MUC13: variants seen among roughly 807,000 people sequenced by gnomAD.
The protein encoded by MUC13 is mucin-13.
In MUC13, 32 loss-of-function variants were observed where a neutral mutation model predicts 48.3. That is an observed-to-expected ratio of 0.66 (90% CI 0.50 to 0.89). MUC13 has a LOEUF of 0.89. Among genes scored for constraint, MUC13 ranks in the 40% least tolerant of loss-of-function variants. The pLI, the probability that MUC13 is intolerant of heterozygous loss-of-function variation, is 0.00. For synonymous variants in MUC13, 199 were observed against 224.9 expected, an observed-to-expected ratio of 0.88 and a Z score of 1.03; for missense variants, 571 against 622.8, an observed-to-expected ratio of 0.92 and a Z score of 0.88.
intron 3 of MUC13, 134 bp downstream of exon 3, chr3:124,923,393 G>A (rs1176550654): frequency 1.1e-6 from 1 of 886,210 alleles, no homozygotes; most frequent in Non-Finnish European, 1.7e-6. Flanking sequence ...TCTCTACTTT[G>A]CTGGCCTTTG....
chr3:124,920,499 C>T (rs550103893), intron 4 of MUC13, among the ~76,000 whole-genome samples: 2 of 152,276 alleles, frequency 1.3e-5, no homozygotes, highest in Non-Finnish European at 2.9e-5. Flanking sequence ...AGTAAGTTGT[C>T]TCTATTTTCC....
At chr3:124,911,617 G>A (rs1265397927) in intron 9 of MUC13, among the ~76,000 whole-genome samples, 1 of 152,022 alleles carries the variant, frequency 6.6e-6, no homozygotes, top group Non-Finnish European at 1.5e-5. Context: ...AATCTGGTGG[G>A]GGTGGGGCAT....
intron 1 of MUC13, among the ~76,000 whole-genome samples, chr3:124,931,826 T>C (rs7649493): frequency 0.85 from 129,283 of 151,492 alleles, 55,545 homozygotes; most frequent in Middle Eastern, 0.93. Context: ...GGGCGGATCA[T>C]GAGGTCAGGA....
chr3:124,912,154 G>T lies in MUC13; in HGVS notation c.1215-13C>A, dbSNP rs574420634. ...GCCAAATGCACACCTGAAATACAGT[G>T]AGCAATAGGAAACAGTGTTAAAGAG... is the stretch of plus-strand genomic sequence containing the variant. On this transcript the variant is annotated splice_polypyrimidine_tract_variant and intron_variant, in intron 8 of 11. Coordinates refer to ENST00000616727, the MANE Select transcript of MUC13 (RefSeq NM_033049.4). 2.6e-5 allele frequency: 42 copies of T among 1,612,088 alleles called. No individual in the cohort carries two copies. The East Asian group carries it at 8.0e-4, about 31-fold the overall frequency.
rs768934620 is a variant in MUC13, at chr3:124,927,785, G to T, written c.261C>A (p.Pro87=). ...AGGAACTATGTGTACTAATTATGGG[G>T]GGAGCAGGTGTAGGAATTGTGGAGG... ...HSSSTIPTPA[P]PIISTHSSST... is the part of the protein sequence containing the mutation. The change falls in exon 2 of 12, where the codon CCC becomes CCA. Residue 87 remains proline (P), a synonymous_variant. Transcript: ENST00000616727. The T allele has an allele frequency of 1.9e-6, 3 of 1,612,800 alleles. No individual in the cohort carries two copies. Among genetic ancestry groups the T allele is most frequent in the Non-Finnish European group, 2.5e-6 (3 of 1,179,614 alleles).
intron 5 of MUC13, among the ~76,000 whole-genome samples, chr3:124,918,078 C>A (rs957236172): frequency 4.6e-5 from 7 of 152,168 alleles, no homozygotes; most frequent in Non-Finnish European, 1.0e-4. Context: ...CAGTCAGCTT[C>A]TCCAGGCCCG....
At position 124,922,265 on chromosome 3, in the gene MUC13, C is replaced by G. The variant is rs748054441; in HGVS notation, c.676G>C (p.Glu226Gln). The change falls in exon 4 of 12, where the codon GAA becomes CAA. Residue 226 changes from glutamate (E) to glutamine (Q), a missense_variant. Coordinates refer to ENST00000616727, the MANE Select transcript of MUC13 (RefSeq NM_033049.4). ...TGTTTCTCTTCTGGGTCAAATGTTT[C>G]TGATACTGTCACTGAAATCTTCCCA... is the stretch of plus-strand genomic sequence containing the variant. ...FPGKISVTVS[E>Q]TFDPEEKHSM... 2.0e-5 allele frequency: 33 copies of G among 1,614,018 alleles called. No homozygotes were observed. The highest frequency in any genetic ancestry group is 2.7e-5 in the Non-Finnish European group (32 of 1,180,020).
rs141987939 is a variant in MUC13 at position 124,913,209 on chromosome 3, G to A, written c.1116C>T (p.Asn372=). The change falls in exon 8 of 12, where the codon AAC becomes AAT. Residue 372 remains asparagine (N), a synonymous_variant. Transcript: ENST00000616727. ...ASSLKCPDAC[N]AQHKQCLIKK... ...TTATTAAGCATTGCTTGTGCTGTGCGTTGCAGGCATCAGGACACTTGAGAC... is the reference window on the plus strand; with the variant it reads ...TTATTAAGCATTGCTTGTGCTGTGCATTGCAGGCATCAGGACACTTGAGAC... 7.0e-5 allele frequency: 113 copies of A among 1,613,734 alleles called. No homozygotes were observed. The highest frequency in any genetic ancestry group is 1.3e-4 in the Admixed American group (8 of 59,972).
chr3:124,910,506 GGAA>G lies in MUC13; in HGVS notation c.1253-10_1253-8del. ...GTGAGGATCAGCTGAAATTCTGAAA[GGAA>G]GAAGAAAATAAGAACAGTCTCCAAC... On this transcript the variant is annotated splice_polypyrimidine_tract_variant and splice_region_variant and intron_variant, in intron 9 of 11. Transcript: ENST00000616727. 6.2e-7 allele frequency: 1 copy of G among 1,613,930 alleles called. No homozygotes were observed. Among genetic ancestry groups the G allele is most frequent in the Non-Finnish European group, 8.5e-7 (1 of 1,179,894 alleles).
intron 1 of MUC13, among the ~76,000 whole-genome samples, chr3:124,933,357 A>G (rs888799062): frequency 5.9e-5 from 9 of 152,210 alleles, no homozygotes; most frequent in Admixed American, 2.6e-4. Flanking sequence ...ATTTTAAATT[A>G]AAAACTCTTA....
intron 10 of MUC13, among the ~76,000 whole-genome samples, chr3:124,909,372 T>C (rs1419439369): frequency 6.6e-6 from 1 of 152,184 alleles, no homozygotes; most frequent in Non-Finnish European, 1.5e-5. Flanking sequence ...ATGGGGGGAC[T>C]TTAGTCTATC....
chr3:124,913,814 C>A, intron 6 of MUC13, 133 bp from the exon 7 acceptor site: 2 of 923,920 alleles, frequency 2.2e-6, no homozygotes, highest in Non-Finnish European at 3.3e-6. Flanking sequence ...CAGTGGCTCA[C>A]AACTGTAATC....
At chr3:124,924,813 TA>T (rs945064671) in intron 2 of MUC13, among the ~76,000 whole-genome samples, 1 of 152,098 alleles carries the variant, frequency 6.6e-6, no homozygotes, top group Non-Finnish European at 1.5e-5. Flanking sequence ...TTACTTTTAT[TA>T]AAAAATAAAA....
intron 3 of MUC13, 89 bp downstream of exon 3, chr3:124,923,438 G>T (rs1935635358): frequency 2.0e-5 from 28 of 1,383,698 alleles, no homozygotes; most frequent in Non-Finnish European, 2.5e-5. Context: ...TCATATTTTG[G>T]AATCTCCTTT....
intron 7 of MUC13, 87 bp downstream of exon 7, chr3:124,913,475 T>G: frequency 6.3e-7 from 1 of 1,593,984 alleles, no homozygotes. Flanking sequence ...GAAATGCATG[T>G]GGAAACTAAA....
chr3:124,918,831 C>T (rs143446924), intron 5 of MUC13, among the ~76,000 whole-genome samples: 111 of 152,248 alleles, frequency 7.3e-4, no homozygotes, highest in Middle Eastern at 3.4e-3. Flanking sequence ...AGCAGCTGTC[C>T]GCTGTACACC....
chr3:124,907,934 G>A (rs1026519867), intron 11 of MUC13, among the ~76,000 whole-genome samples: 4 of 152,144 alleles, frequency 2.6e-5, no homozygotes, highest in African/African-American at 9.7e-5. Flanking sequence ...AAAGGCCAGG[G>A]AAATTAAGTG....
At position 124,922,134 on chromosome 3, in the gene MUC13, A is replaced by G. The variant is rs1046524961; in HGVS notation, c.744+63T>C. ...TGAACCACCTGAAGACCAGCTCTAC[A>G]CTCTGCAACTCAGTGTTAGAACAAA... On this transcript the variant is annotated intron_variant, in intron 4 of 11. Transcript: ENST00000616727. 7 of 1,584,462 alleles carry G rather than the reference A, an allele frequency of 4.4e-6. No individual in the cohort carries two copies. The African/African-American group carries it at 5.4e-5, about 12-fold the overall frequency.
rs1196229780 is a variant in MUC13, at chr3:124,911,894, G to A, written c.1252+210C>T. 1.3e-5 allele frequency among the ~76,000 whole-genome samples: 2 copies of A among 152,292 alleles called. 1 individual carries two copies. The highest frequency in any genetic ancestry group is 4.1e-4 in the South Asian group (2 of 4,826). ...CAGCCCACTCCTGGTGCTGAGTTCT[G>A]TTATTTTCTATGGCAGAGGGGCTGC... On this transcript the variant is annotated intron_variant, in intron 9 of 11. Transcript: ENST00000616727.
Sources: allele counts gnomAD v4.1 joint callset (sites outside exome capture counted in the v4.1 genomes callset), GRCh38; gene constraint gnomAD v4.1.1; transcripts MANE v1.5; gene names NCBI Gene and HGNC (gene_info 2026-07-23, HGNC 2026-07-21).